The following CCDC149 variants were observed in gnomAD, a reference collection of about 807,000 sequenced individuals.
CCDC149 encodes coiled-coil domain containing 149.
In CCDC149, 45 loss-of-function variants were observed where a neutral mutation model predicts 59.9. The observed-to-expected ratio is 0.75, with a 90% CI of 0.59 to 0.96. CCDC149 has a LOEUF of 0.96. Ranked by LOEUF, CCDC149 falls within the 40% of genes least tolerant of loss-of-function variation. The pLI, the probability that CCDC149 is intolerant of heterozygous loss-of-function variation, is 0.00. For missense variants in CCDC149, 584 were observed against 664.7 expected, an observed-to-expected ratio of 0.88 and a Z score of 1.33; for synonymous variants, 245 against 260.6, an observed-to-expected ratio of 0.94 and a Z score of 0.58.
chr4:24,945,718 T>G (rs1723090025), intron 1 of CCDC149, among the ~76,000 whole-genome samples: 2 of 151,652 alleles, frequency 1.3e-5, no homozygotes, highest in Non-Finnish European at 2.9e-5. Flanking sequence ...GCCTCCCAGG[T>G]TCAAGCGATT....
intron 1 of CCDC149, among the ~76,000 whole-genome samples, chr4:24,932,431 CAAGACAG>C (rs1722623064): frequency 6.6e-6 from 1 of 152,070 alleles, no homozygotes; most frequent in Non-Finnish European, 1.5e-5. Context: ...TAGGGGACAG[CAAGACAG>C]AAGACAGGAG....
rs535683066 is a variant in CCDC149, at chr4:24,949,299, C to G, written c.-65+30770G>C. On this transcript the variant is annotated intron_variant, in intron 1 of 12. Coordinates refer to the CCDC149 transcript ENST00000389609. ...GTAAAACAGACCAGAGAGGCTCTGC[C>G]CTGAATGTAGCTGGGGCTTCCGTGC... Among the ~76,000 whole-genome samples, 4 of 152,202 alleles carry G rather than the reference C, an allele frequency of 2.6e-5. No individual in the cohort carries two copies. The South Asian group carries it at 8.3e-4, about 32-fold the overall frequency.
intron 12 of CCDC149, among the ~76,000 whole-genome samples, chr4:24,809,587 C>A (rs578194953): frequency 2.0e-5 from 3 of 150,564 alleles, no homozygotes; most frequent in Non-Finnish European, 4.4e-5. Context: ...AGCAGCATGG[C>A]GGAGCCAGCT....
At chr4:24,879,319 A>T (rs1325558911) in intron 1 of CCDC149, among the ~76,000 whole-genome samples, 1 of 152,080 alleles carries the variant, frequency 6.6e-6, no homozygotes, top group East Asian at 1.9e-4. Flanking sequence ...GGAGTTCAAG[A>T]CTAGCCTGGA....
intron 1 of CCDC149, among the ~76,000 whole-genome samples, chr4:24,923,137 G>A (rs1243123800): frequency 6.6e-6 from 1 of 152,092 alleles, no homozygotes; most frequent in East Asian, 1.9e-4. Context: ...AGTCTGGTGG[G>A]GTGAGCTCAG....
chr4:24,942,676 G>A (rs2109349410), intron 1 of CCDC149, among the ~76,000 whole-genome samples: 1 of 152,304 alleles, frequency 6.6e-6, no homozygotes, highest in South Asian at 2.1e-4. Flanking sequence ...ATCTCCTTAA[G>A]CTGATAAGCA....
chr4:24,844,131 G>A (rs1259742043), intron 4 of CCDC149, among the ~76,000 whole-genome samples: 4 of 152,000 alleles, frequency 2.6e-5, no homozygotes, highest in South Asian at 2.1e-4. Flanking sequence ...ACACTGCCCT[G>A]CCTCTCTGTC....
Position 24,808,828 on chromosome 4 carries a change from A to T in CCDC149, c.1193-9T>A, listed in dbSNP as rs750411618. 6.5e-7 allele frequency: 1 copy of T among 1,540,288 alleles called. No individual in the cohort carries two copies. Among genetic ancestry groups the T allele is most frequent in the Non-Finnish European group, 8.8e-7 (1 of 1,142,344 alleles). The stretch of plus-strand genomic sequence containing the variant: ...TTGCTTCTGAGCCTCCCCTGAAAAC[A>T]GAACGAGGACAACATTAAACCTCTG... On this transcript the variant is annotated splice_polypyrimidine_tract_variant and intron_variant, in intron 12 of 12. Coordinates refer to ENST00000635206, the MANE Select transcript of CCDC149 (RefSeq NM_001330643.2).
intron 1 of CCDC149, among the ~76,000 whole-genome samples, chr4:24,933,820 G>T (rs1168174016): frequency 1.3e-5 from 2 of 152,162 alleles, no homozygotes; most frequent in African/African-American, 4.8e-5. Flanking sequence ...TTTGAACAAT[G>T]ACATTAATTT....
At chr4:24,908,201 A>G (rs1183135253) in intron 1 of CCDC149, among the ~76,000 whole-genome samples, 1 of 152,160 alleles carries the variant, frequency 6.6e-6, no homozygotes, top group African/African-American at 2.4e-5. Flanking sequence ...ACAACCTACA[A>G]CATCAGCCAG....
intron 2 of CCDC149, among the ~76,000 whole-genome samples, chr4:24,876,304 C>T (rs988008157): frequency 3.0e-5 from 4 of 133,686 alleles, no homozygotes; most frequent in African/African-American, 8.7e-5. Flanking sequence ...CACACACACA[C>T]ACACACACAC....
At chr4:24,838,126 C>T (rs942579210) in intron 5 of CCDC149, 30 bp downstream of exon 5, 47 of 1,506,730 alleles carry the variant, frequency 3.1e-5, no homozygotes, top group Admixed American at 5.0e-5. Flanking sequence ...GCAAATGCAT[C>T]CCCCACTCTG....
At chr4:24,898,959 G>C (rs891030397) in intron 1 of CCDC149, among the ~76,000 whole-genome samples, 1 of 152,184 alleles carries the variant, frequency 6.6e-6, no homozygotes, top group African/African-American at 2.4e-5. Flanking sequence ...AGTTACCAGA[G>C]GTGTGGAGTG....
At chr4:24,808,942 T>C in intron 12 of CCDC149, 123 bp from the exon 13 acceptor site, 1 of 945,228 alleles carries the variant, frequency 1.1e-6, no homozygotes. Flanking sequence ...CAAGACTTTT[T>C]TGGCTCCCTG....
intron 1 of CCDC149, among the ~76,000 whole-genome samples, chr4:24,882,445 G>A (rs1359348092): frequency 6.6e-6 from 1 of 152,192 alleles, no homozygotes; most frequent in Non-Finnish European, 1.5e-5. Flanking sequence ...TGGACACTGA[G>A]CTAAGTATTG....
upstream of CCDC149, among the ~76,000 whole-genome samples, chr4:24,913,199 A>T (rs932800439): frequency 3.3e-5 from 5 of 152,016 alleles, no homozygotes; most frequent in African/African-American, 4.8e-5. Flanking sequence ...CCAGGGTCTC[A>T]GCCTACAGGT....
intron 3 of CCDC149, among the ~76,000 whole-genome samples, chr4:24,856,176 C>G (rs967415359): frequency 7.9e-5 from 12 of 152,128 alleles, no homozygotes; most frequent in African/African-American, 2.9e-4. Flanking sequence ...TTGGACACAG[C>G]TGACTCCTTT....
intron 1 of CCDC149, among the ~76,000 whole-genome samples, chr4:24,908,841 A>C (rs553098822): frequency 8.5e-5 from 13 of 152,350 alleles, no homozygotes; most frequent in Admixed American, 7.8e-4. Flanking sequence ...CCAAAATTCA[A>C]ATAGTGAAAT....
chr4:24,831,329 A>G (rs1335041768), intron 9 of CCDC149, 177 bp downstream of exon 9: 2 of 629,762 alleles, frequency 3.2e-6, no homozygotes, highest in Admixed American at 3.0e-5. Context: ...TCCAGCTGAT[A>G]GCCAAGATGC....
Sources: allele counts gnomAD v4.1 joint callset (sites outside exome capture counted in the v4.1 genomes callset), GRCh38; gene constraint gnomAD v4.1.1; transcripts MANE v1.5; gene names NCBI Gene and HGNC (gene_info 2026-07-23, HGNC 2026-07-21).